RAD51B: variants seen among roughly 807,000 people sequenced by gnomAD.
The protein encoded by RAD51B is RAD51 paralog B.
A neutral mutation model predicts 42.2 loss-of-function variants in RAD51B; 38 were observed. That is an observed-to-expected ratio of 0.90 (90% CI 0.70 to 1.18). The LOEUF is 1.18. RAD51B is among the 50% of genes most tolerant of loss of function. The pLI, the probability that RAD51B is intolerant of heterozygous loss-of-function variation, is 0.00. For synonymous variants in RAD51B, 154 were observed against 145.2 expected (o/e 1.06, Z -0.43); for missense variants, 373 against 400.7 (o/e 0.93, Z 0.59).
intron 10 of RAD51B, among the ~76,000 whole-genome samples, chr14:68,566,403 C>A (rs1019960886): frequency 2.0e-5 from 3 of 152,216 alleles, no homozygotes; most frequent in African/African-American, 7.2e-5. Flanking sequence ...ATTAGAAGAA[C>A]AACGTCAAGG....
At chr14:68,066,829 T>A (rs2076658509) in intron 7 of RAD51B, among the ~76,000 whole-genome samples, 1 of 152,164 alleles carries the variant, frequency 6.6e-6, no homozygotes, top group South Asian at 2.1e-4. Context: ...AAGAAATATA[T>A]CTTAATTAAA....
At chr14:67,866,574 C>G (rs1595029375) in intron 5 of RAD51B, among the ~76,000 whole-genome samples, 1 of 152,190 alleles carries the variant, frequency 6.6e-6, no homozygotes, top group East Asian at 1.9e-4. Context: ...GCACCACATA[C>G]AAAACAGAGT....
At chr14:67,838,181 A>G (rs1248133229) in intron 4 of RAD51B, among the ~76,000 whole-genome samples, 2 of 152,032 alleles carry the variant, frequency 1.3e-5, no homozygotes, top group Admixed American at 6.5e-5. Flanking sequence ...ATATTTATCC[A>G]TTTGTCTGCT....
exon 11 of RAD51B, chr14:68,611,361 G>A: frequency 1.5e-6 from 1 of 647,182 alleles, no homozygotes; most frequent in Non-Finnish European, 2.8e-6. Flanking sequence ...TTCAGCAAAG[G>A]ATGTCATGGT....
chr14:68,680,004 A>G (rs1893393295), intron 11 of RAD51B, among the ~76,000 whole-genome samples: 1 of 151,754 alleles, frequency 6.6e-6, no homozygotes, highest in African/African-American at 2.4e-5. Flanking sequence ...ACAAAGACGC[A>G]TTTTGGAACT....
At chr14:68,030,455 G>A (rs139847736) in intron 7 of RAD51B, among the ~76,000 whole-genome samples, 11 of 152,212 alleles carry the variant, frequency 7.2e-5, no homozygotes, top group Middle Eastern at 3.4e-3. Context: ...GGAATGGAAC[G>A]GCTTCTTTCC....
chr14:68,499,859 C>A (rs768925090), intron 10 of RAD51B, among the ~76,000 whole-genome samples: 6 of 152,186 alleles, frequency 3.9e-5, no homozygotes, highest in Non-Finnish European at 8.8e-5. Flanking sequence ...TGTGGGGCTT[C>A]TGGCTGCCAG....
intron 10 of RAD51B, among the ~76,000 whole-genome samples, chr14:68,516,085 C>T (rs936575050): frequency 6.6e-6 from 1 of 152,074 alleles, no homozygotes; most frequent in Non-Finnish European, 1.5e-5. Context: ...ACGCCCTGCC[C>T]GGAAGCTGGA....
At chr14:68,535,463 A>T (rs1027612383) in intron 10 of RAD51B, among the ~76,000 whole-genome samples, 4 of 149,454 alleles carry the variant, frequency 2.7e-5, no homozygotes, top group Non-Finnish European at 6.0e-5. Context: ...CACCTGGCAA[A>T]CCTGCCACTC....
chr14:68,081,251 G>A (rs1439794029), intron 7 of RAD51B, among the ~76,000 whole-genome samples: 1 of 152,202 alleles, frequency 6.6e-6, no homozygotes. Context: ...GTTTTGGGTT[G>A]CCATAACTGA....
At chr14:68,109,572 G>A (rs887212151) in intron 7 of RAD51B, among the ~76,000 whole-genome samples, 7 of 151,952 alleles carry the variant, frequency 4.6e-5, no homozygotes, top group Admixed American at 4.6e-4. Flanking sequence ...CCAGAAGTGT[G>A]CCTAGGAATC....
intron 10 of RAD51B, among the ~76,000 whole-genome samples, chr14:68,578,071 ATG>A (rs1890042860): frequency 6.6e-6 from 1 of 152,364 alleles, no homozygotes; most frequent in East Asian, 1.9e-4. Flanking sequence ...ATGCAACACT[ATG>A]TGGCAATGGC....
intron 5 of RAD51B, among the ~76,000 whole-genome samples, chr14:67,884,777 C>G (rs1595059623): frequency 6.6e-6 from 1 of 152,232 alleles, no homozygotes; most frequent in East Asian, 1.9e-4. Context: ...TTCAACTTAG[C>G]TATGTATATT....
intron 7 of RAD51B, among the ~76,000 whole-genome samples, chr14:68,138,563 G>A (rs1206887164): frequency 2.6e-5 from 4 of 151,974 alleles, no homozygotes; most frequent in Admixed American, 6.6e-5. Flanking sequence ...GTCTTTCTCT[G>A]TATCTGTCTC....
intron 7 of RAD51B, among the ~76,000 whole-genome samples, chr14:68,160,702 C>A (rs1292766076): frequency 6.6e-6 from 1 of 152,142 alleles, no homozygotes; most frequent in African/African-American, 2.4e-5. Context: ...GCTTGATTCA[C>A]CCTAGTCCCA....
chr14:68,449,308 T>G (rs913660103), intron 9 of RAD51B, among the ~76,000 whole-genome samples: 1 of 152,210 alleles, frequency 6.6e-6, no homozygotes, highest in Non-Finnish European at 1.5e-5. Flanking sequence ...ATTGTAGCCG[T>G]GCTTTGCTTC....
intron 7 of RAD51B, among the ~76,000 whole-genome samples, chr14:68,008,060 A>G (rs2075620728): frequency 6.6e-6 from 1 of 151,870 alleles, no homozygotes; most frequent in Non-Finnish European, 1.5e-5. Context: ...TTACCTTTGT[A>G]GAGGATATTT....
intron 8 of RAD51B, among the ~76,000 whole-genome samples, chr14:68,310,611 C>T (rs1416867417): frequency 3.3e-5 from 5 of 152,018 alleles, no homozygotes; most frequent in Non-Finnish European, 5.9e-5. Flanking sequence ...TTTGGGAGGC[C>T]GAGGTGGGCA....
rs369181323 is a variant in RAD51B at position 68,516,777 on chromosome 14, A to G, written c.1036+48527A>G. Among the ~76,000 whole-genome samples, 23 of 152,346 alleles carry G rather than the reference A, an allele frequency of 1.5e-4. 1 individual carries two copies. Among genetic ancestry groups the G allele is most frequent in the African/African-American group, 5.5e-4 (23 of 41,590 alleles). Reference sequence around the variant, plus strand: ...GTCATTTGGAAAATATTGCTTCACTAAGTCATGCAGATTTTTCAAATTTGA... The same window carrying G: ...GTCATTTGGAAAATATTGCTTCACTGAGTCATGCAGATTTTTCAAATTTGA... On this transcript the variant is annotated intron_variant, in intron 10 of 10. Coordinates refer to the RAD51B transcript ENST00000487270.
Sources: gnomAD v4.1 joint callset for allele counts (sites outside exome capture counted in the v4.1 genomes callset) on GRCh38, gnomAD v4.1.1 for gene constraint, MANE v1.5 for transcripts, NCBI Gene and HGNC (gene_info 2026-07-23, HGNC 2026-07-21) for gene names.